The following TMEM132C variants were observed in gnomAD, a reference collection of about 807,000 sequenced individuals.
TMEM132C encodes the protein transmembrane protein 132C.
A neutral mutation model predicts 61.4 loss-of-function variants in TMEM132C; 29 were observed. The ratio of observed to expected loss-of-function variants is 0.47; its 90% CI spans 0.35 to 0.64. TMEM132C has a LOEUF of 0.64. TMEM132C is among the 30% of genes least tolerant of loss of function. The pLI, the probability that TMEM132C is intolerant of heterozygous loss-of-function variation, is 0.00. For synonymous variants in TMEM132C, 656 were observed against 633.1 expected (o/e 1.04, Z -0.54); for missense variants, 1,408 against 1,476.9 (o/e 0.95, Z 0.76).
chr12:128,272,713 T>C (rs901062627), intron 1 of TMEM132C, among the ~76,000 whole-genome samples: 19 of 152,346 alleles, frequency 1.2e-4, no homozygotes, highest in African/African-American at 4.3e-4. Flanking sequence ...TTCTGATAGG[T>C]GTATAATAGG....
intron 3 of TMEM132C, among the ~76,000 whole-genome samples, chr12:128,572,713 C>T (rs1185103878): frequency 6.6e-6 from 1 of 151,888 alleles, no homozygotes; most frequent in East Asian, 1.9e-4. Context: ...CACATGCTCA[C>T]TGTGGCCTCT....
At chr12:128,474,171 C>A (rs995372746) in intron 2 of TMEM132C, among the ~76,000 whole-genome samples, 1 of 152,142 alleles carries the variant, frequency 6.6e-6, no homozygotes, top group Non-Finnish European at 1.5e-5. Context: ...TGAGTCCCAC[C>A]CCAGAGCATC....
At chr12:128,367,698 T>G (rs1343509171) in intron 1 of TMEM132C, among the ~76,000 whole-genome samples, 1 of 151,578 alleles carries the variant, frequency 6.6e-6, no homozygotes, top group Non-Finnish European at 1.5e-5. Flanking sequence ...CGATGAGCTG[T>G]AAGTATGAAA....
intron 2 of TMEM132C, among the ~76,000 whole-genome samples, chr12:128,490,533 T>C (rs1481962606): frequency 1.3e-5 from 2 of 152,180 alleles, no homozygotes; most frequent in Non-Finnish European, 2.9e-5. Context: ...CCTAAGCCAG[T>C]GAATAATGAT....
At chr12:128,285,196 A>C (rs2135902663) in intron 1 of TMEM132C, among the ~76,000 whole-genome samples, 1 of 152,294 alleles carries the variant, frequency 6.6e-6, no homozygotes, top group Admixed American at 6.5e-5. Context: ...ATGAACAACA[A>C]TTTATTGTAT....
In TMEM132C at chr12:128,331,857, G is replaced by A. The variant is rs1994310; in HGVS notation, c.85+64370G>A. Among the ~76,000 whole-genome samples, 816 of 152,236 alleles carry A rather than the reference G, an allele frequency of 5.4e-3. 7 individuals carry two copies. Among genetic ancestry groups the A allele is most frequent in the African/African-American group, 0.018 (746 of 41,548 alleles). On this transcript the variant is annotated intron_variant, in intron 1 of 8. Transcript: ENST00000435159. ...TTGAGAAATCTCCATACTGTTTTTCGTAGAAGTTGTACTCATTCATAGAAG... is the reference window on the plus strand; with the variant it reads ...TTGAGAAATCTCCATACTGTTTTTCATAGAAGTTGTACTCATTCATAGAAG...
At chr12:128,560,715 C>A (rs530991340) in intron 3 of TMEM132C, among the ~76,000 whole-genome samples, 14 of 152,188 alleles carry the variant, frequency 9.2e-5, no homozygotes, top group African/African-American at 3.4e-4. Flanking sequence ...TAGGGCTTAA[C>A]TCAGTTCCTG....
intron 4 of TMEM132C, among the ~76,000 whole-genome samples, chr12:128,663,936 ACACT>A (rs1010750879): frequency 8.0e-5 from 9 of 112,776 alleles, no homozygotes; most frequent in African/African-American, 3.0e-4. Flanking sequence ...ACGCACGCGG[ACACT>A]CACACAGGCA....
intron 3 of TMEM132C, among the ~76,000 whole-genome samples, chr12:128,584,026 A>C (rs1410445641): frequency 1.3e-5 from 2 of 152,190 alleles, no homozygotes; most frequent in Non-Finnish European, 2.9e-5. Context: ...CTGGCTGTGC[A>C]TTTCAGGTAT....
At chr12:128,370,634 C>T (rs1874000539) in intron 1 of TMEM132C, among the ~76,000 whole-genome samples, 1 of 151,926 alleles carries the variant, frequency 6.6e-6, no homozygotes, top group Admixed American at 6.5e-5. Flanking sequence ...CTTGGAAAGG[C>T]ACCCTGACCT....
In TMEM132C at chr12:128,396,929, C is replaced by T. The variant is rs371981870; in HGVS notation, c.86-17803C>T. 9.2e-5 allele frequency among the ~76,000 whole-genome samples: 14 copies of T among 152,336 alleles called. No homozygotes were observed. In the East Asian group the frequency reaches 1.9e-3, roughly 21 times the overall value. On this transcript the variant is annotated intron_variant, in intron 1 of 8. Coordinates refer to ENST00000435159, the MANE Select transcript of TMEM132C (RefSeq NM_001136103.3). ...GCCTCTTCTATTATTTCCAATCAGG[C>T]GCAAAGCTGCAGTGGACACCTTAGA...
intron 3 of TMEM132C, among the ~76,000 whole-genome samples, chr12:128,604,485 A>G (rs762030855): frequency 5.3e-5 from 8 of 152,016 alleles, no homozygotes; most frequent in Non-Finnish European, 8.8e-5. Flanking sequence ...AAATGGATAG[A>G]TCATAGAGGG....
intron 3 of TMEM132C, among the ~76,000 whole-genome samples, chr12:128,609,098 C>T (rs1157817949): frequency 6.6e-6 from 1 of 150,816 alleles, no homozygotes; most frequent in Admixed American, 6.6e-5. Context: ...AACACTGTAA[C>T]CTCTGCCTCC....
At chr12:128,636,419 A>G (rs1200446193) in intron 4 of TMEM132C, among the ~76,000 whole-genome samples, 1 of 152,146 alleles carries the variant, frequency 6.6e-6, no homozygotes, top group Non-Finnish European at 1.5e-5. Flanking sequence ...CACATGTTTA[A>G]TGTACACAAT....
intron 2 of TMEM132C, among the ~76,000 whole-genome samples, chr12:128,432,357 A>T (rs1869421742): frequency 6.6e-6 from 1 of 152,252 alleles, no homozygotes; most frequent in South Asian, 2.1e-4. Context: ...TCCCCTGAGG[A>T]ATCTAAGCAA....
chr12:128,469,684 ATG>A (rs1465072274), intron 2 of TMEM132C, among the ~76,000 whole-genome samples: 2 of 149,270 alleles, frequency 1.3e-5, no homozygotes, highest in African/African-American at 5.0e-5. Flanking sequence ...ATGTGCATTT[ATG>A]TGTGTGTATG....
intron 8 of TMEM132C, among the ~76,000 whole-genome samples, chr12:128,699,414 G>A (rs1346638937): frequency 6.6e-6 from 1 of 152,158 alleles, no homozygotes; most frequent in African/African-American, 2.4e-5. Flanking sequence ...TTTGGGTGGT[G>A]GCAGAATCCA....
intron 2 of TMEM132C, among the ~76,000 whole-genome samples, chr12:128,424,102 C>T (rs1407266564): frequency 1.3e-5 from 2 of 150,518 alleles, no homozygotes; most frequent in Non-Finnish European, 3.0e-5. Context: ...CAGACTAATC[C>T]TGAGTTTCTA....
intron 2 of TMEM132C, among the ~76,000 whole-genome samples, chr12:128,495,467 G>A (rs1871911237): frequency 6.6e-6 from 1 of 152,136 alleles, no homozygotes; most frequent in Non-Finnish European, 1.5e-5. Context: ...TTGTGTGGGA[G>A]TCTAAGTCTC....
Sources: allele counts gnomAD v4.1 joint callset (sites outside exome capture counted in the v4.1 genomes callset), GRCh38; gene constraint gnomAD v4.1.1; transcripts MANE v1.5; gene names NCBI Gene and HGNC (gene_info 2026-07-23, HGNC 2026-07-21).